PTPRO: variants seen among roughly 807,000 people sequenced by gnomAD.
PTPRO encodes the protein protein tyrosine phosphatase receptor type O.
A neutral mutation model predicts 145.2 loss-of-function variants in PTPRO; 62 were observed. The observed-to-expected ratio is 0.43, with a 90% confidence interval of 0.35 to 0.53. The LOEUF is 0.53. Among genes scored for constraint, PTPRO ranks in the 20% least tolerant of loss-of-function variants. The pLI is 0.01. For missense variants in PTPRO, 1,345 were observed against 1,482.7 expected (o/e 0.91, Z 1.53); for synonymous variants, 565 against 514.7 (o/e 1.10, Z -1.32).
intron 20 of PTPRO, 30 bp downstream of exon 20, chr12:15,578,973 C>T (rs375344419): frequency 1.3e-6 from 2 of 1,507,126 alleles, no homozygotes; most frequent in African/African-American, 1.4e-5. Flanking sequence ...CAATAACACT[C>T]ATGTCTTAAG....
intron 2 of PTPRO, among the ~76,000 whole-genome samples, chr12:15,485,495 C>A (rs1053422011): frequency 2.0e-5 from 3 of 152,122 alleles, no homozygotes; most frequent in Admixed American, 2.0e-4. Context: ...ATTTCATAAA[C>A]ACCTAGCCCA....
intron 1 of PTPRO, among the ~76,000 whole-genome samples, chr12:15,447,938 C>A (rs1304592755): frequency 6.6e-6 from 1 of 152,052 alleles, no homozygotes; most frequent in Non-Finnish European, 1.5e-5. Context: ...TATTTTATTT[C>A]AAACTATAAT....
chr12:15,372,583 G>A (rs2136261367), intron 1 of PTPRO, among the ~76,000 whole-genome samples: 1 of 152,216 alleles, frequency 6.6e-6, no homozygotes, highest in East Asian at 1.9e-4. Context: ...TCTTTAAGTG[G>A]GAGGACAGTG....
Position 15,566,999 on chromosome 12 carries a change from A to C in PTPRO, c.2747+1371A>C, listed in dbSNP as rs1342078980. ...GGGTTGGCAGGTGAGCTAAAGAGGC[A>C]GAGACTAGAGCATTTAGAAGATAGC... On this transcript the variant is annotated intron_variant, in intron 18 of 26. Transcript: ENST00000281171. Among the ~76,000 whole-genome samples, 6 of 152,202 alleles carry C rather than the reference A, an allele frequency of 3.9e-5. No individual in the cohort carries two copies. In the East Asian group the frequency reaches 1.2e-3, roughly 29 times the overall value.
At chr12:15,433,345 TTTTGTA>T (rs1175512927) in intron 1 of PTPRO, among the ~76,000 whole-genome samples, 2 of 151,892 alleles carry the variant, frequency 1.3e-5, no homozygotes, top group Admixed American at 1.3e-4. Flanking sequence ...TCGGCTAACT[TTTTGTA>T]TTTGTATTTT....
chr12:15,345,018 T>A lies in PTPRO; in HGVS notation c.75+22217T>A, dbSNP rs976344289. 2.0e-5 allele frequency among the ~76,000 whole-genome samples: 3 copies of A among 152,194 alleles called. No individual in the cohort carries two copies. In the South Asian group the frequency reaches 6.2e-4, roughly 31 times the overall value. ...CTCCTATCATCCTATCTTTCTACAA[T>A]CTCTTTTCTTATTCTCTGTTTCCCT... On this transcript the variant is annotated intron_variant, in intron 1 of 26. Transcript: ENST00000281171.
At chr12:15,557,032 G>GTTT (rs552264784) in intron 15 of PTPRO, among the ~76,000 whole-genome samples, 5 of 139,924 alleles carry the variant, frequency 3.6e-5, no homozygotes, top group Admixed American at 7.1e-5. Flanking sequence ...CTTTTATTTT[G>GTTT]TTTTTTTTTT....
At chr12:15,323,052 T>C (rs748953416) in intron 1 of PTPRO, among the ~76,000 whole-genome samples, 2 of 152,246 alleles carry the variant, frequency 1.3e-5, no homozygotes, top group Non-Finnish European at 2.9e-5. Context: ...TTGTGCTCTT[T>C]TATCGCTGCT....
At chr12:15,504,346 C>G (rs1244930276) in intron 6 of PTPRO, among the ~76,000 whole-genome samples, 1 of 152,004 alleles carries the variant, frequency 6.6e-6, no homozygotes, top group African/African-American at 2.4e-5. Context: ...TTAGCCATAA[C>G]AAAGCCTCCA....
At chr12:15,459,952 G>C (rs987321619) in intron 1 of PTPRO, among the ~76,000 whole-genome samples, 5 of 152,146 alleles carry the variant, frequency 3.3e-5, no homozygotes, top group Non-Finnish European at 7.4e-5. Flanking sequence ...TGTAGCACAT[G>C]GTTTATGTTC....
rs141778536 is a variant in PTPRO at position 15,439,352 on chromosome 12, G to A, written c.76-44622G>A. ...GTACATAGCCTGCAGACCATATAAA[G>A]CAACTACACAATAGAAACTACAAAG... On this transcript the variant is annotated intron_variant, in intron 1 of 26. Transcript: ENST00000281171. Among the ~76,000 whole-genome samples, 501 of 152,228 alleles carry A rather than the reference G, an allele frequency of 3.3e-3. 1 individual carries two copies. Among genetic ancestry groups the A allele is most frequent in the African/African-American group, 0.012 (482 of 41,524 alleles).
chr12:15,491,686 C>T (rs1383304564), intron 2 of PTPRO, among the ~76,000 whole-genome samples: 2 of 152,142 alleles, frequency 1.3e-5, no homozygotes, highest in East Asian at 3.8e-4. Context: ...CCACTTTTTG[C>T]TCCTACCACA....
chr12:15,538,515 G>T (rs1034758714), intron 12 of PTPRO, among the ~76,000 whole-genome samples: 1 of 152,114 alleles, frequency 6.6e-6, no homozygotes, highest in African/African-American at 2.4e-5. Flanking sequence ...GAGCCACCGC[G>T]CCCGGCCCAC....
intron 1 of PTPRO, among the ~76,000 whole-genome samples, chr12:15,366,170 T>C (rs1938354282): frequency 6.6e-6 from 1 of 152,230 alleles, no homozygotes; most frequent in Admixed American, 6.5e-5. Context: ...TTCTGTTTTG[T>C]TCCTTGTGAT....
At chr12:15,456,841 C>CT (rs1303704970) in intron 1 of PTPRO, among the ~76,000 whole-genome samples, 1 of 152,034 alleles carries the variant, frequency 6.6e-6, no homozygotes, top group Admixed American at 6.6e-5. Context: ...TGTATTCTCT[C>CT]TTTTTTCCAC....
chr12:15,398,980 C>T (rs79912386), intron 1 of PTPRO, among the ~76,000 whole-genome samples: 2,143 of 152,240 alleles, frequency 0.014, 56 homozygotes, highest in African/African-American at 0.049. Context: ...CTCCACATTT[C>T]TGCACATATT....
chr12:15,501,680 A>G lies in PTPRO; in HGVS notation c.722A>G (p.Glu241Gly). The G allele has an allele frequency of 6.2e-7, 1 of 1,614,044 alleles. No homozygotes were observed. The highest frequency in any genetic ancestry group is 8.5e-7 in the Non-Finnish European group (1 of 1,179,962). ...GTAAACTTGAACAAAAACAACTGGG[A>G]AGAACAGAGTGGCAATTTCCCAGAA... ...RIVNLNKNNW[E>G]EQSGNFPEES... Residue 241 changes from glutamate to glycine, a missense_variant, in exon 5 of 27, where the codon GAA becomes GGA. This residue lies in a region of PTPRO where 1,130 missense variants were observed against 1,214.7 expected (regional missense o/e 0.93). Coordinates refer to ENST00000281171, the MANE Select transcript of PTPRO (RefSeq NM_030667.3).
chr12:15,491,811 C>G (rs887646362), intron 2 of PTPRO, among the ~76,000 whole-genome samples: 18 of 152,192 alleles, frequency 1.2e-4, no homozygotes, highest in African/African-American at 4.3e-4. Flanking sequence ...AATGGGCCCT[C>G]TGTGCTCTGG....
At chr12:15,468,140 T>G (rs933827886) in intron 1 of PTPRO, among the ~76,000 whole-genome samples, 3 of 152,204 alleles carry the variant, frequency 2.0e-5, no homozygotes, top group Admixed American at 2.0e-4. Flanking sequence ...TTTGTTTGCT[T>G]GCCTAGGTTC....
Sources: allele counts gnomAD v4.1 joint callset (sites outside exome capture counted in the v4.1 genomes callset), GRCh38; gene constraint gnomAD v4.1.1; regional missense constraint gnomAD v4.1.1; transcripts MANE v1.5; gene names NCBI Gene and HGNC (gene_info 2026-07-23, HGNC 2026-07-21).